The following TRPM3 variants were observed in gnomAD, a reference collection of about 807,000 sequenced individuals.
The protein encoded by TRPM3 is long transient receptor potential channel 3.
TRPM3 carries 77 observed loss-of-function variants against 181.2 expected under a neutral mutation model. The observed-to-expected ratio is 0.42, with a 90% CI of 0.35 to 0.51. The LOEUF is 0.51. TRPM3 is among the 20% of genes least tolerant of loss of function. The probability of loss-of-function intolerance (pLI) is 0.01; values close to 1 mark genes in which losing one functional copy is unlikely to be tolerated. For missense variants in TRPM3, 1,759 were observed against 2,196.7 expected, an observed-to-expected ratio of 0.80 and a Z score of 3.98; for synonymous variants, 745 against 796.4, an observed-to-expected ratio of 0.94 and a Z score of 1.09.
At chr9:70,833,504 A>C (rs1193710599) in intron 5 of TRPM3, among the ~76,000 whole-genome samples, 1 of 152,174 alleles carries the variant, frequency 6.6e-6, no homozygotes, top group Non-Finnish European at 1.5e-5. Context: ...TGTGATGGAC[A>C]ATTTCCCAAG....
chr9:70,988,585 A>C (rs1369527564), intron 1 of TRPM3, among the ~76,000 whole-genome samples: 1 of 152,218 alleles, frequency 6.6e-6, no homozygotes, highest in Non-Finnish European at 1.5e-5. Flanking sequence ...GCCAGTGATT[A>C]TTCAATGATG....
In TRPM3 at chr9:71,206,534, T is replaced by C. The variant is rs571503688; in HGVS notation, c.183+240119A>G. ...CAAAAATTTTCTCCCATTCTGTAGG[T>C]TGCCCATTCACTCTGATGATAGTTT... On this transcript the variant is annotated intron_variant, in intron 1 of 24. Transcript: ENST00000357533. 1.6e-3 allele frequency among the ~76,000 whole-genome samples: 239 copies of C among 152,300 alleles called. 2 individuals carry two copies. Among genetic ancestry groups the C allele is most frequent in the Non-Finnish European group, 2.7e-3 (184 of 68,012 alleles).
intron 1 of TRPM3, among the ~76,000 whole-genome samples, chr9:71,332,222 T>C (rs1231265062): frequency 6.6e-6 from 1 of 151,866 alleles, no homozygotes; most frequent in Non-Finnish European, 1.5e-5. Flanking sequence ...TTCGAGTTTT[T>C]AAATATTATT....
chr9:70,823,954 T>C (rs926816394), intron 6 of TRPM3, among the ~76,000 whole-genome samples: 1 of 152,156 alleles, frequency 6.6e-6, no homozygotes. Context: ...CTGTTGGCTG[T>C]AGGAATGCAA....
rs188744093 is a variant in TRPM3 at position 71,333,066 on chromosome 9, G to T, written c.183+113587C>A. Among the ~76,000 whole-genome samples, 51 of 151,944 alleles carry T rather than the reference G, an allele frequency of 3.4e-4. 1 individual carries two copies. The South Asian group carries it at 6.4e-3, about 19-fold the overall frequency. On this transcript the variant is annotated intron_variant, in intron 1 of 24. Transcript: ENST00000357533. ...GTGGTTATTTTGTCTCCCCAGGGTA[G>T]AGAAGGGAAGAATTTTGAACTGTGC...
intron 1 of TRPM3, among the ~76,000 whole-genome samples, chr9:71,018,025 A>G (rs1051135239): frequency 2.6e-5 from 4 of 151,908 alleles, no homozygotes; most frequent in African/African-American, 9.7e-5. Context: ...CAAAAAGATA[A>G]CTGAATGATC....
At chr9:70,823,665 A>T (rs1197661706) in intron 6 of TRPM3, among the ~76,000 whole-genome samples, 1 of 143,568 alleles carries the variant, frequency 7.0e-6, no homozygotes, top group African/African-American at 2.5e-5. Flanking sequence ...ACAGTTAGTC[A>T]TTTTCTTACT....
chr9:71,009,143 C>T (rs942055634), intron 1 of TRPM3, among the ~76,000 whole-genome samples: 3 of 152,120 alleles, frequency 2.0e-5, no homozygotes, highest in African/African-American at 7.2e-5. Context: ...AGCTTCTTCT[C>T]TATGATCTGG....
chr9:71,194,259 G>A (rs1416885389), intron 1 of TRPM3, among the ~76,000 whole-genome samples: 3 of 152,034 alleles, frequency 2.0e-5, no homozygotes, highest in East Asian at 1.9e-4. Context: ...GTGTTCATAC[G>A]TGGGAGGAAG....
rs540064652 is a variant in TRPM3 at position 71,070,407 on chromosome 9, AC to A, written c.177+50770del. ...TTCAAGAGCAGAGAAACATATCTTT[AC>A]TTTGCTTTTAGCTCTGCACCAGGTT... On this transcript the variant is annotated intron_variant, in intron 1 of 25. Transcript: ENST00000677713. Among the ~76,000 whole-genome samples, 14 of 152,290 alleles carry A rather than the reference AC, an allele frequency of 9.2e-5. No homozygotes were observed. The South Asian group carries it at 2.7e-3, about 29-fold the overall frequency.
chr9:70,578,015 C>T (rs1009808110), intron 22 of TRPM3, among the ~76,000 whole-genome samples: 1 of 152,228 alleles, frequency 6.6e-6, no homozygotes, highest in African/African-American at 2.4e-5. Flanking sequence ...ACATAGCAGA[C>T]TTCATCCCTT....
rs1416639434 is a variant in TRPM3, at chr9:70,894,905, T to TTAGCA, written c.178-30395_178-30394insTGCTA. Among the ~76,000 whole-genome samples, 21 of 152,246 alleles carry TTAGCA rather than the reference T, an allele frequency of 1.4e-4. 1 individual carries two copies. In the East Asian group the frequency reaches 3.9e-3, roughly 28 times the overall value. ...GGTGCTGAAGCCCTACTGCTAAGAT[T>TTAGCA]GTGAATAGAAAATGGGAAAAAAGTT... On this transcript the variant is annotated intron_variant, in intron 1 of 25. Coordinates refer to ENST00000677713, the MANE Select transcript of TRPM3 (RefSeq NM_001366145.2).
At chr9:70,991,605 A>C (rs2097487236) in intron 1 of TRPM3, among the ~76,000 whole-genome samples, 2 of 126,068 alleles carry the variant, frequency 1.6e-5, no homozygotes, top group Non-Finnish European at 3.2e-5. Context: ...AGGCTTTCCC[A>C]GAGTGTTAAA....
chr9:71,351,032 C>A (rs2091595551), intron 1 of TRPM3, among the ~76,000 whole-genome samples: 1 of 152,180 alleles, frequency 6.6e-6, no homozygotes, highest in African/African-American at 2.4e-5. Flanking sequence ...GAATCCAAGA[C>A]TGAAAAGGCC....
At chr9:71,205,360 C>T (rs1449901750) in intron 1 of TRPM3, among the ~76,000 whole-genome samples, 4 of 152,214 alleles carry the variant, frequency 2.6e-5, no homozygotes, top group Admixed American at 2.6e-4. Context: ...AAAAGCTTCT[C>T]ATTCAGCCCA....
intron 7 of TRPM3, among the ~76,000 whole-genome samples, chr9:70,763,110 C>G (rs1378369824): frequency 6.6e-6 from 1 of 152,116 alleles, no homozygotes; most frequent in African/African-American, 2.4e-5. Context: ...GGGTGGCATT[C>G]CTCATGACAG....
chr9:70,592,582 C>G (rs2058301948), intron 21 of TRPM3, among the ~76,000 whole-genome samples: 1 of 152,114 alleles, frequency 6.6e-6, no homozygotes, highest in South Asian at 2.1e-4. Context: ...AGATTGGTTT[C>G]TATCGCTTGC....
chr9:71,430,573 G>A (rs1217018930), intron 1 of TRPM3, among the ~76,000 whole-genome samples: 3 of 152,148 alleles, frequency 2.0e-5, no homozygotes, highest in Admixed American at 1.3e-4. Flanking sequence ...CAGCACTTTG[G>A]GAGGCTGAGG....
chr9:71,443,256 T>C (rs2094158020), intron 1 of TRPM3, among the ~76,000 whole-genome samples: 1 of 151,934 alleles, frequency 6.6e-6, no homozygotes, highest in Admixed American at 6.6e-5. Flanking sequence ...CAAAGCAACA[T>C]GAATTCATAA....
Sources: allele counts gnomAD v4.1 joint callset (sites outside exome capture counted in the v4.1 genomes callset), GRCh38; gene constraint gnomAD v4.1.1; transcripts MANE v1.5; gene names NCBI Gene and HGNC (gene_info 2026-07-23, HGNC 2026-07-21).